The following SGPP2 variants were observed in gnomAD, a reference collection of about 807,000 sequenced individuals.
The protein encoded by SGPP2 is sphingosine 1-phosphate phosphohydrolase 2.
SGPP2 carries 30 observed loss-of-function variants against 33.9 expected under a neutral mutation model. That is an observed-to-expected ratio of 0.89 (90% CI 0.66 to 1.20). The LOEUF (loss-of-function observed/expected upper bound fraction) is 1.20, where lower values mean the gene tolerates loss of function less well. SGPP2 is among the 50% of genes most tolerant of loss of function. SGPP2 has a pLI of 0.00. For missense variants in SGPP2, 458 were observed against 532.1 expected, an observed-to-expected ratio of 0.86 and a Z score of 1.37; for synonymous variants, 233 against 225.0, an observed-to-expected ratio of 1.04 and a Z score of -0.32.
chr2:222,535,699 C>T (rs769525776), intron 4 of SGPP2, among the ~76,000 whole-genome samples: 2 of 152,216 alleles, frequency 1.3e-5, no homozygotes, highest in Non-Finnish European at 2.9e-5. Context: ...CCTGGCACCT[C>T]GGAGGCTGCT....
chr2:222,438,989 G>A (rs1574831044), intron 1 of SGPP2, among the ~76,000 whole-genome samples: 2 of 152,276 alleles, frequency 1.3e-5, no homozygotes, highest in East Asian at 3.9e-4. Flanking sequence ...CTGGCACTGG[G>A]GAAATAAACA....
intron 2 of SGPP2, among the ~76,000 whole-genome samples, chr2:222,511,176 A>G (rs1233440183): frequency 2.6e-5 from 4 of 152,182 alleles, no homozygotes; most frequent in Non-Finnish European, 4.4e-5. Context: ...GAGCCCAGCC[A>G]TCCAGAACAG....
intron 4 of SGPP2, among the ~76,000 whole-genome samples, chr2:222,547,881 A>G (rs768343246): frequency 6.6e-6 from 1 of 152,184 alleles, no homozygotes; most frequent in African/African-American, 2.4e-5. Flanking sequence ...TATAAAATGA[A>G]TATGTGTGAA....
chr2:222,542,241 G>A (rs1453161279), intron 4 of SGPP2, among the ~76,000 whole-genome samples: 1 of 152,100 alleles, frequency 6.6e-6, no homozygotes, highest in African/African-American at 2.4e-5. Flanking sequence ...GCTGTATGTA[G>A]CTCTCATTCA....
chr2:222,552,296 A>G (rs957038218), intron 4 of SGPP2, among the ~76,000 whole-genome samples: 2 of 152,206 alleles, frequency 1.3e-5, no homozygotes, highest in South Asian at 4.1e-4. Context: ...ACTGTTTTCC[A>G]TAGTGGTTGT....
At chr2:222,458,002 C>G (rs1430849111) in intron 1 of SGPP2, among the ~76,000 whole-genome samples, 2 of 152,138 alleles carry the variant, frequency 1.3e-5, no homozygotes, top group Non-Finnish European at 2.9e-5. Flanking sequence ...CCCCAGTTAC[C>G]TGGTTCTAGG....
rs1032042678 is a variant in SGPP2, at chr2:222,477,724, G to A, written c.378+2998G>A. Among the ~76,000 whole-genome samples the A allele has an allele frequency of 1.4e-4, 22 of 152,032 alleles. No individual in the cohort carries two copies. Among genetic ancestry groups the A allele is most frequent in the African/African-American group, 4.8e-4 (20 of 41,358 alleles). Reference sequence around the variant, plus strand: ...CTCATGGCCAATTATCTCCCCCACTGAGGGTGGAAAACTTTCCCTGAGAGC... The same window carrying A: ...CTCATGGCCAATTATCTCCCCCACTAAGGGTGGAAAACTTTCCCTGAGAGC... On this transcript the variant is annotated intron_variant, in intron 2 of 4. Coordinates refer to ENST00000321276, the MANE Select transcript of SGPP2 (RefSeq NM_152386.4). The surrounding 1 kb of genome is among the most constrained non-coding windows in gnomAD (Gnocchi z 6.0).
Position 222,460,924 on chromosome 2 carries a change from T to A in SGPP2, c.220-13644T>A, listed in dbSNP as rs1453125447. On this transcript the variant is annotated intron_variant, in intron 1 of 4. Transcript: ENST00000321276. This position sits in a 1 kb window ranked among gnomAD's most constrained non-coding sequence, Gnocchi z 4.3. ...TCTTTAAATTAATTAAGCAATGGGA[T>A]CTCACTCTGTTGCCCAGGCTGAAGT... Among the ~76,000 whole-genome samples the A allele has an allele frequency of 2.6e-5, 4 of 152,156 alleles. No individual in the cohort carries two copies. The highest frequency in any genetic ancestry group is 4.4e-5 in the Non-Finnish European group (3 of 68,042).
intron 1 of SGPP2, among the ~76,000 whole-genome samples, chr2:222,428,854 C>T (rs1433437252): frequency 7.0e-6 from 1 of 142,314 alleles, no homozygotes; most frequent in Non-Finnish European, 1.5e-5. Flanking sequence ...TACAGTGGCT[C>T]CATCTCAGCT....
chr2:222,492,358 C>T (rs1698210041), intron 2 of SGPP2, among the ~76,000 whole-genome samples: 1 of 152,260 alleles, frequency 6.6e-6, no homozygotes, highest in African/African-American at 2.4e-5. Flanking sequence ...GTTCCCAAAC[C>T]TCAGTTCTTG....
rs200271785 is a variant in SGPP2 at position 222,561,102 on chromosome 2, CAAA to C, written c.*2217_*2219del. On this transcript the variant is annotated 3_prime_UTR_variant, in exon 5 of 5. Transcript: ENST00000321276. ...CCTGGGCGACAGAGCGAGACTCTCT[CAAA>C]AAAAAAAAAAAAGAATTTTTAGCAA... Among the ~76,000 whole-genome samples the C allele has an allele frequency of 8.2e-6, 1 of 121,986 alleles. No homozygotes were observed. The allele number at this position is 121,986 out of a possible 152,430, so 80.0% of individuals were successfully genotyped here. A position where few individuals can be genotyped will look rare whatever the true frequency, so the allele number is the denominator to read the frequency against.
intron 4 of SGPP2, among the ~76,000 whole-genome samples, chr2:222,539,751 A>G (rs1698964153): frequency 6.6e-6 from 1 of 152,242 alleles, no homozygotes; most frequent in African/African-American, 2.4e-5. Flanking sequence ...TCAAACTGGT[A>G]GAACCTAATT....
chr2:222,455,366 G>A (rs1055084567), intron 1 of SGPP2, among the ~76,000 whole-genome samples: 16 of 152,124 alleles, frequency 1.1e-4, no homozygotes, highest in African/African-American at 3.4e-4. Context: ...TCAGAGATGC[G>A]AAGGAGCCAA....
chr2:222,457,640 C>T (rs992078549), intron 1 of SGPP2, among the ~76,000 whole-genome samples: 20 of 152,158 alleles, frequency 1.3e-4, no homozygotes, highest in Non-Finnish European at 7.4e-5. Flanking sequence ...TTAGAATTCT[C>T]GGCCTAGAGA....
chr2:222,424,623 C>T lies in SGPP2; in HGVS notation c.21C>T (p.Ser7=). ...ACACCATGGCCGAGCTGCTGCGGAG[C>T]CTGCAGGATTCCCAGCTCGTCGCCC... The part of the protein sequence containing the change: MAELLR[S]LQDSQLVARF... The change falls in exon 1 of 5, where the codon AGC becomes AGT. Residue 7 remains serine (S), a synonymous_variant. Transcript: ENST00000321276. 3 of 1,399,020 alleles carry T rather than the reference C, an allele frequency of 2.1e-6. No homozygotes were observed. The highest frequency in any genetic ancestry group is 2.8e-6 in the Non-Finnish European group (3 of 1,072,392). The allele number at this position is 1,399,020 out of a possible 1,614,324, so 86.7% of individuals were successfully genotyped here.
chr2:222,517,359 G>A (rs1438517681), intron 2 of SGPP2, among the ~76,000 whole-genome samples: 2 of 152,186 alleles, frequency 1.3e-5, no homozygotes, highest in Admixed American at 6.5e-5. Flanking sequence ...GGGGAGGAGA[G>A]GAAGAACATC....
At chr2:222,548,688 A>T (rs1689243090) in intron 4 of SGPP2, among the ~76,000 whole-genome samples, 1 of 152,148 alleles carries the variant, frequency 6.6e-6, no homozygotes, top group African/African-American at 2.4e-5. Context: ...ATGGACATTG[A>T]TGTGCTTTCA....
chr2:222,554,689 T>C (rs1164137216), intron 4 of SGPP2, among the ~76,000 whole-genome samples: 1 of 151,722 alleles, frequency 6.6e-6, no homozygotes, highest in African/African-American at 2.4e-5. Context: ...AGGCGAGGAG[T>C]TGATTCTCTG....
intron 2 of SGPP2, among the ~76,000 whole-genome samples, chr2:222,497,024 A>G (rs1698291102): frequency 6.6e-6 from 1 of 152,212 alleles, no homozygotes; most frequent in Non-Finnish European, 1.5e-5. Context: ...ATAAAGTACT[A>G]CAGTAGCATC....
Sources: allele counts gnomAD v4.1 joint callset (sites outside exome capture counted in the v4.1 genomes callset), GRCh38; gene constraint gnomAD v4.1.1; non-coding constraint Gnocchi (gnomAD v3.1); transcripts MANE v1.5; gene names NCBI Gene and HGNC (gene_info 2026-07-23, HGNC 2026-07-21).